Variants in ZNF341 observed in about 807,000 individuals in gnomAD.
ZNF341 encodes the protein zinc finger protein 341.
ZNF341 carries 52 observed loss-of-function variants against 87.7 expected under a neutral mutation model. The ratio of observed to expected loss-of-function variants is 0.59; its 90% CI spans 0.47 to 0.75. ZNF341 has a LOEUF of 0.75. Ranked by LOEUF, ZNF341 falls within the 30% of genes least tolerant of loss-of-function variation. The probability of loss-of-function intolerance (pLI) is 0.00; values close to 1 mark genes in which losing one functional copy is unlikely to be tolerated. For synonymous variants in ZNF341, 459 were observed against 472.7 expected (o/e 0.97, Z 0.38); for missense variants, 977 against 1,145.9 (o/e 0.85, Z 2.13).
chr20:33,772,878 G>GC (rs1243302187), intron 10 of ZNF341, among the ~76,000 whole-genome samples: 1 of 152,148 alleles, frequency 6.6e-6, no homozygotes, highest in Non-Finnish European at 1.5e-5. Context: ...AGGGTAACTT[G>GC]CCCCCAAGAC....
intron 10 of ZNF341, among the ~76,000 whole-genome samples, chr20:33,773,891 G>A (rs993443740): frequency 6.6e-6 from 1 of 152,046 alleles, no homozygotes; most frequent in Admixed American, 6.6e-5. Context: ...CAGCCACATT[G>A]CCTTGGCCTG....
intron 7 of ZNF341, among the ~76,000 whole-genome samples, chr20:33,761,642 C>A (rs993620377): frequency 6.6e-6 from 1 of 152,166 alleles, no homozygotes; most frequent in African/African-American, 2.4e-5. Context: ...AGGGCGGCTC[C>A]AGGGTTTGTT....
intron 10 of ZNF341, among the ~76,000 whole-genome samples, chr20:33,772,228 T>TGTA (rs2019548433): frequency 6.6e-6 from 1 of 152,076 alleles, no homozygotes; most frequent in Non-Finnish European, 1.5e-5. Flanking sequence ...TTTGCCTGCA[T>TGTA]CATCTGGGAG....
intron 9 of ZNF341, 91 bp from the exon 10 acceptor site, chr20:33,769,993 C>T: frequency 1.3e-6 from 1 of 797,806 alleles, no homozygotes; most frequent in Non-Finnish European, 2.1e-6. Context: ...GATCATTTAC[C>T]ATCAGTGTCC....
intron 7 of ZNF341, among the ~76,000 whole-genome samples, chr20:33,760,345 G>A (rs1485812112): frequency 1.3e-5 from 2 of 152,130 alleles, no homozygotes; most frequent in East Asian, 3.9e-4. Flanking sequence ...AGAGGTTGCA[G>A]TGAGCTGAGA....
intron 5 of ZNF341, among the ~76,000 whole-genome samples, chr20:33,755,536 A>T (rs2019158345): frequency 7.3e-6 from 1 of 137,830 alleles, no homozygotes; most frequent in Non-Finnish European, 1.6e-5. Flanking sequence ...CTTTCTATTT[A>T]TTTATATTTG....
chr20:33,780,044 A>T (rs1395465204), intron 10 of ZNF341, among the ~76,000 whole-genome samples: 2 of 152,170 alleles, frequency 1.3e-5, no homozygotes, highest in Non-Finnish European at 2.9e-5. Context: ...AAACTGAGTG[A>T]TGTAATAGGG....
intron 10 of ZNF341, among the ~76,000 whole-genome samples, chr20:33,772,802 G>T (rs1401742182): frequency 6.6e-6 from 1 of 152,134 alleles, no homozygotes; most frequent in African/African-American, 2.4e-5. Flanking sequence ...GGCATGAAGG[G>T]CCACGTAGAA....
In ZNF341 at chr20:33,790,359, C is replaced by T. The variant is rs536172606; in HGVS notation, c.2036-629C>T. 5.1e-4 allele frequency among the ~76,000 whole-genome samples: 78 copies of T among 152,218 alleles called. 1 individual carries two copies. Among genetic ancestry groups the T allele is most frequent in the African/African-American group, 1.9e-3 (78 of 41,522 alleles). On this transcript the variant is annotated intron_variant, in intron 14 of 14. Coordinates refer to ENST00000375200, the MANE Select transcript of ZNF341 (RefSeq NM_001282933.2). ...AGGTGCTGGGATTACAGGTGTGAGC[C>T]ACCGGCGCCTGGCCTGTAATCCTGT...
At chr20:33,736,281 G>GT (rs890234453) in intron 1 of ZNF341, among the ~76,000 whole-genome samples, 2 of 151,764 alleles carry the variant, frequency 1.3e-5, no homozygotes, top group African/African-American at 4.8e-5. Context: ...TGCAAAAATT[G>GT]TAACAGTGAG....
chr20:33,742,486 C>T (rs1290069791), intron 2 of ZNF341, among the ~76,000 whole-genome samples: 2 of 151,454 alleles, frequency 1.3e-5, no homozygotes, highest in Admixed American at 6.6e-5. Flanking sequence ...TGAGCCACAC[C>T]GCCCGGCCAA....
In ZNF341 at chr20:33,751,855, C is replaced by T. The variant is rs561239988; in HGVS notation, c.490-1317C>T. On this transcript the variant is annotated intron_variant, in intron 4 of 14. Transcript: ENST00000375200. ...AAGTGTTGAGATTACAGGTGTTAGC[C>T]GCTGCACCAAGCCCAAGGCCAGGGT... Among the ~76,000 whole-genome samples the T allele has an allele frequency of 5.3e-5, 8 of 152,192 alleles. No individual in the cohort carries two copies. In the South Asian group the frequency reaches 8.3e-4, roughly 16 times the overall value.
At chr20:33,771,737 A>AG (rs2019537658) in intron 10 of ZNF341, among the ~76,000 whole-genome samples, 1 of 151,712 alleles carries the variant, frequency 6.6e-6, no homozygotes, top group Non-Finnish European at 1.5e-5. Flanking sequence ...ATGTTAAAGC[A>AG]GGGCACAGTG....
chr20:33,740,531 C>T (rs1181813502), intron 1 of ZNF341, among the ~76,000 whole-genome samples: 1 of 152,138 alleles, frequency 6.6e-6, no homozygotes, highest in African/African-American at 2.4e-5. Flanking sequence ...CAGGGTCTTG[C>T]TCTGTCAAGA....
At chr20:33,789,467 G>A in intron 13 of ZNF341, 51 bp from the exon 14 acceptor site, 2 of 1,599,354 alleles carry the variant, frequency 1.3e-6, no homozygotes, top group South Asian at 1.1e-5. Flanking sequence ...GGGCCAGCAA[G>A]AGGATCCTAA....
intron 1 of ZNF341, among the ~76,000 whole-genome samples, chr20:33,734,809 A>G (rs1297336229): frequency 6.6e-6 from 1 of 152,006 alleles, no homozygotes; most frequent in African/African-American, 2.4e-5. Context: ...GGTTCAAGTG[A>G]TTCTTGTACC....
rs1422728824 is a variant in ZNF341, at chr20:33,753,386, T to A, written c.704T>A (p.Ile235Asn). 1 of 1,607,414 alleles carries A rather than the reference T, an allele frequency of 6.2e-7. No individual in the cohort carries two copies. The highest frequency in any genetic ancestry group is 8.5e-7 in the Non-Finnish European group (1 of 1,177,122). Residue 235 changes from isoleucine (I) to asparagine (N), a missense_variant, in exon 5 of 15, where the codon ATC (isoleucine) becomes AAC (asparagine). Around this residue, in one of 3 missense-constraint regions of ZNF341, gnomAD observed 515 missense variants for 598.2 expected, o/e 0.86. Transcript: ENST00000375200. Reference protein sequence around the residue: ...APLAGSGTVEIQALGMQPYPP... With the variant: ...APLAGSGTVENQALGMQPYPP... ...CTGGCTGGGAGTGGAACGGTGGAGA[T>A]CCAGGCACTGGGGATGCAGCCCTAC...
intron 4 of ZNF341, chr20:33,752,107 A>AAC: frequency 2.6e-6 from 1 of 378,476 alleles, no homozygotes. Context: ...GCTGCAAGCA[A>AAC]GCCCCCCCCC....
intron 10 of ZNF341, among the ~76,000 whole-genome samples, chr20:33,776,359 C>T (rs2019626948): frequency 1.3e-5 from 2 of 151,458 alleles, no homozygotes; most frequent in Non-Finnish European, 2.9e-5. Context: ...TCCCAAAGTG[C>T]TGGGATTACA....
Sources: allele counts gnomAD v4.1 joint callset (sites outside exome capture counted in the v4.1 genomes callset), GRCh38; gene constraint gnomAD v4.1.1; regional missense constraint gnomAD v4.1.1; transcripts MANE v1.5; gene names NCBI Gene and HGNC (gene_info 2026-07-23, HGNC 2026-07-21).